Variants in LRRC2 observed in about 807,000 individuals in gnomAD.
LRRC2 encodes the protein leucine-rich repeat-containing protein 2.
Under a neutral mutation model 40.2 loss-of-function variants are expected in LRRC2, and 27 were observed. The observed-to-expected ratio is 0.67, with a 90% CI of 0.49 to 0.93. The LOEUF (loss-of-function observed/expected upper bound fraction) is 0.93, where lower values mean the gene tolerates loss of function less well. LRRC2 is among the 40% of genes least tolerant of loss of function. The probability of loss-of-function intolerance (pLI) is 0.00; values close to 1 mark genes in which losing one functional copy is unlikely to be tolerated. For missense variants in LRRC2, 402 were observed against 439.6 expected (o/e 0.91, Z 0.76); for synonymous variants, 147 against 158.9 (o/e 0.92, Z 0.56).
At chr3:46,552,061 G>A (rs1350870565) in intron 1 of LRRC2, among the ~76,000 whole-genome samples, 2 of 152,088 alleles carry the variant, frequency 1.3e-5, no homozygotes, top group African/African-American at 2.4e-5. Context: ...GTAGTACTTT[G>A]TGTAAGTAAG....
intron 1 of LRRC2, among the ~76,000 whole-genome samples, chr3:46,562,846 C>A (rs1044551532): frequency 1.3e-5 from 2 of 152,020 alleles, no homozygotes; most frequent in Non-Finnish European, 1.5e-5. Context: ...CTTCCTCAGC[C>A]TCCTGAGTAG....
chr3:46,564,079 T>C (rs1181512366), intron 1 of LRRC2, among the ~76,000 whole-genome samples: 2 of 151,948 alleles, frequency 1.3e-5, no homozygotes, highest in Admixed American at 1.3e-4. Context: ...GACTCCAAGT[T>C]CCCAATCTAG....
intron 6 of LRRC2, among the ~76,000 whole-genome samples, chr3:46,528,264 G>T (rs1316847913): frequency 6.7e-6 from 1 of 150,200 alleles, no homozygotes; most frequent in Non-Finnish European, 1.5e-5. Flanking sequence ...AGAATAAACA[G>T]ATTTTAGCAA....
At chr3:46,540,877 G>C (rs73069952) in intron 3 of LRRC2, among the ~76,000 whole-genome samples, 9,824 of 152,214 alleles carry the variant, frequency 0.065, 473 homozygotes, top group South Asian at 0.17. Context: ...AATGAGTTGG[G>C]TCATCAGGGA....
intron 7 of LRRC2, 150 bp from the exon 8 acceptor site, chr3:46,521,808 T>C: frequency 1.4e-6 from 1 of 716,676 alleles, no homozygotes; most frequent in Non-Finnish European, 2.2e-6. Flanking sequence ...ACCAGTGGAA[T>C]TCCAGTGTGG....
At chr3:46,522,410 A>AATAT (rs1195271224) in intron 7 of LRRC2, among the ~76,000 whole-genome samples, 1 of 147,940 alleles carries the variant, frequency 6.8e-6, no homozygotes, top group African/African-American at 2.5e-5. Flanking sequence ...TAAATAAATA[A>AATAT]ATAAATAAAC....
At chr3:46,529,511 T>C (rs1011844531) in intron 6 of LRRC2, among the ~76,000 whole-genome samples, 7 of 152,238 alleles carry the variant, frequency 4.6e-5, no homozygotes, top group Non-Finnish European at 1.0e-4. Context: ...AGTTTATGTA[T>C]AACGAATCAA....
intron 3 of LRRC2, among the ~76,000 whole-genome samples, chr3:46,542,972 G>A (rs1704428549): frequency 6.6e-6 from 1 of 152,182 alleles, no homozygotes; most frequent in South Asian, 2.1e-4. Flanking sequence ...GCTGCCAGGT[G>A]TGACTTTGGA....
In LRRC2 at chr3:46,516,717, A is replaced by G. The variant is rs1186321143; in HGVS notation, c.*2297T>C. The G allele has an allele frequency of 6.6e-6, 1 of 152,230 alleles. No individual in the cohort carries two copies. Among genetic ancestry groups the G allele is most frequent in the African/African-American group, 2.4e-5 (1 of 41,432 alleles). 9.4% of individuals were successfully genotyped at this position (152,230 alleles called of 1,614,324 possible). A position where few individuals can be genotyped will look rare whatever the true frequency, so the allele number is the denominator to read the frequency against. On this transcript the variant is annotated 3_prime_UTR_variant, in exon 9 of 9. Transcript: ENST00000395905. ...ATAACGGTGCTTAGGTTGTTGCTGG[A>G]AACACTGAAAGATCAGCCGTGTTGC... is the stretch of plus-strand genomic sequence containing the variant.
chr3:46,539,415 C>T (rs779216605), intron 3 of LRRC2, among the ~76,000 whole-genome samples: 15 of 152,234 alleles, frequency 9.9e-5, no homozygotes, highest in Non-Finnish European at 2.1e-4. Context: ...TCAAAACTGC[C>T]GTGAATTCAT....
intron 2 of LRRC2, among the ~76,000 whole-genome samples, chr3:46,548,631 A>G (rs373195358): frequency 6.6e-6 from 1 of 152,374 alleles, no homozygotes; most frequent in Admixed American, 6.5e-5. Context: ...AGGAAACCAC[A>G]ATCCCAGCCC....
At chr3:46,525,556 T>C (rs1032552159) in intron 7 of LRRC2, among the ~76,000 whole-genome samples, 1 of 152,172 alleles carries the variant, frequency 6.6e-6, no homozygotes, top group African/African-American at 2.4e-5. Context: ...GGCCACACTA[T>C]AATCCTTGAT....
intron 7 of LRRC2, among the ~76,000 whole-genome samples, chr3:46,523,363 G>T (rs1703998671): frequency 2.0e-5 from 3 of 151,776 alleles, no homozygotes; most frequent in Admixed American, 2.0e-4. Flanking sequence ...TTTTTTCATT[G>T]GTCTATCACT....
At chr3:46,532,944 G>T in intron 4 of LRRC2, 35 bp from the exon 5 acceptor site, 1 of 1,597,882 alleles carries the variant, frequency 6.3e-7, no homozygotes, top group South Asian at 1.1e-5. Flanking sequence ...CATTGAATAG[G>T]TCGTTTAAGG....
At position 46,532,869 on chromosome 3, in the gene LRRC2, G is replaced by GCCACCGTGCCTGGCCTACAATC. The variant is rs1704186147; in HGVS notation, c.530_531insGATTGTAGGCCAGGCACGGTGG (p.Asn177LysfsTer21). The stretch of plus-strand genomic sequence containing the variant: ...ATTCTGGAGGAATGCTCTTCAGATA[G>GCCACCGTGCCTGGCCTACAATC]TTGAAACCCACATTGAGTTCTTTCA... On this transcript the variant is annotated frameshift_variant, in exon 5 of 9. Transcript: ENST00000395905. LOFTEE classifies it high-confidence loss of function. 1 of 1,613,860 alleles carries GCCACCGTGCCTGGCCTACAATC rather than the reference G, an allele frequency of 6.2e-7. No individual in the cohort carries two copies. Among genetic ancestry groups the GCCACCGTGCCTGGCCTACAATC allele is most frequent in the Non-Finnish European group, 8.5e-7 (1 of 1,179,906 alleles).
chr3:46,557,158 T>G (rs1472305644), intron 1 of LRRC2, among the ~76,000 whole-genome samples: 1 of 152,200 alleles, frequency 6.6e-6, no homozygotes, highest in Non-Finnish European at 1.5e-5. Context: ...GAAAATGCCC[T>G]GCCCCGCCTT....
At chr3:46,534,049 G>C (rs566864376) in intron 4 of LRRC2, among the ~76,000 whole-genome samples, 1 of 151,958 alleles carries the variant, frequency 6.6e-6, no homozygotes, top group South Asian at 2.1e-4. Context: ...ACATGCATTA[G>C]GTATTTATCC....
chr3:46,553,091 G>T (rs1704701377), intron 1 of LRRC2, among the ~76,000 whole-genome samples: 1 of 151,748 alleles, frequency 6.6e-6, no homozygotes, highest in South Asian at 2.1e-4. Context: ...AAAAGATATT[G>T]CTTCACTCTC....
At chr3:46,519,289 G>A (rs939700612) in intron 8 of LRRC2, among the ~76,000 whole-genome samples, 1 of 152,268 alleles carries the variant, frequency 6.6e-6, no homozygotes, top group African/African-American at 2.4e-5. Flanking sequence ...TCTAAGAATC[G>A]TTAACTTTCA....
Sources: allele counts gnomAD v4.1 joint callset (sites outside exome capture counted in the v4.1 genomes callset), GRCh38; gene constraint gnomAD v4.1.1; transcripts MANE v1.5; gene names NCBI Gene and HGNC (gene_info 2026-07-23, HGNC 2026-07-21).